Variants in BMX observed in about 807,000 individuals in gnomAD.
The protein encoded by BMX is BMX non-receptor tyrosine kinase, also known as cytoplasmic tyrosine-protein kinase BMX.
A neutral mutation model predicts 59.2 loss-of-function variants in BMX; 31 were observed. The ratio of observed to expected loss-of-function variants is 0.52; its 90% CI spans 0.39 to 0.71. BMX has a LOEUF of 0.71. BMX is among the 30% of genes least tolerant of loss of function. BMX has a pLI of 0.00. For missense variants in BMX, 474 were observed against 491.7 expected, an observed-to-expected ratio of 0.96 and a Z score of 0.34; for synonymous variants, 185 against 181.0, an observed-to-expected ratio of 1.02 and a Z score of -0.18.
In BMX at chrX:15,511,489, G is replaced by A. The variant is rs947474924; in HGVS notation, c.296G>A (p.Arg99Gln). The A allele has an allele frequency of 4.1e-6, 5 of 1,205,209 alleles. No individual in the cohort carries two copies. Among genetic ancestry groups the A allele is most frequent in the South Asian group, 1.8e-5 (1 of 56,014 alleles). Reference sequence around the variant, plus strand: ...GTCTATGCATCAAATGAAGAGAGCCGAAGTCAGTGGTTGAAAGCATTACAA... The same window carrying A: ...GTCTATGCATCAAATGAAGAGAGCCAAAGTCAGTGGTTGAAAGCATTACAA... ...LYVYASNEES[R>Q]SQWLKALQKE... Residue 99 changes from arginine to glutamine, a missense_variant, in exon 4 of 19, where the codon CGA (arginine) becomes CAA (glutamine). By Grantham distance (43) the Arg-to-Gln change is conservative. Coordinates refer to ENST00000348343, the MANE Select transcript of BMX (RefSeq NM_203281.3).
rs142748588 is a variant in BMX at position 15,516,964 on chromosome X, C to G, written c.445+733C>G. ...CTTATTTTGGTAACAGTTTTACCAG[C>G]CTGGACAAAATATGCCTGGATTACA... On this transcript the variant is annotated intron_variant, in intron 5 of 18. Transcript: ENST00000348343. Among the ~76,000 whole-genome samples, 55 of 110,988 alleles carry G rather than the reference C, an allele frequency of 5.0e-4. No homozygotes were observed. The East Asian group carries it at 0.015, about 30-fold the overall frequency.
intron 4 of BMX, among the ~76,000 whole-genome samples, chrX:15,514,750 A>C (rs1441297327): frequency 9.0e-6 from 1 of 111,545 alleles, no homozygotes; most frequent in Non-Finnish European, 1.9e-5. Context: ...ATTCCTAGGA[A>C]AGTAGCCCCA....
chrX:15,546,729 G>C, intron 16 of BMX, 74 bp from the exon 17 acceptor site: 1 of 835,995 alleles, frequency 1.2e-6, no homozygotes, highest in Non-Finnish European at 1.7e-6. Flanking sequence ...CTGAGACTCT[G>C]GGTGGCTTCC....
At position 15,534,270 on chromosome X, in the gene BMX, T is replaced by C. The variant is rs1352553436; in HGVS notation, c.1078T>C (p.Tyr360His). ...HVHTNAENKL[Y>H]LAENYCFDSI... ...GCATACAAATGCTGAGAACAAATTA[T>C]ACCTGGCAGAAAACTACTGTTTTGA... Residue 360 changes from tyrosine (Y) to histidine (H), a missense_variant, in exon 12 of 19, where the codon TAC (tyrosine) becomes CAC (histidine). By Grantham distance (83) the Tyr-to-His change is moderately conservative (BLOSUM62 2). Coordinates refer to ENST00000348343, the MANE Select transcript of BMX (RefSeq NM_203281.3). The C allele has an allele frequency of 8.4e-7, 1 of 1,196,341 alleles. No homozygotes were observed. Among genetic ancestry groups the C allele is most frequent in the South Asian group, 1.8e-5 (1 of 54,888 alleles).
chrX:15,529,861 T>C (rs1018691903), intron 9 of BMX, 112 bp from the exon 10 acceptor site: 2 of 611,991 alleles, frequency 3.3e-6, no homozygotes, highest in Non-Finnish European at 5.2e-6. Context: ...CAGTTAGGCT[T>C]GGAAACCCCT....
rs371645181 is a variant in BMX, at chrX:15,536,317, T to A, written c.1148-36T>A. 7 of 1,180,339 alleles carry A rather than the reference T, an allele frequency of 5.9e-6. No homozygotes were observed. The South Asian group carries it at 1.3e-4, about 21-fold the overall frequency. ...TTACATAATGTGATGGGATATGATA[T>A]AATGATGTGATGATATGATGCTGAT... is the stretch of plus-strand genomic sequence containing the variant. On this transcript the variant is annotated intron_variant, in intron 12 of 18. Transcript: ENST00000348343.
chrX:15,511,210 A>G (rs193058717), intron 3 of BMX, among the ~76,000 whole-genome samples: 1 of 112,225 alleles, frequency 8.9e-6, no homozygotes, highest in Non-Finnish European at 1.9e-5. Flanking sequence ...CACCACTACT[A>G]TGAGGTACAT....
In BMX at chrX:15,537,305, T is replaced by C. The variant is rs1414778887; in HGVS notation, c.1394T>C (p.Met465Thr). 5 of 1,210,308 alleles carry C rather than the reference T, an allele frequency of 4.1e-6. No individual in the cohort carries two copies. Among genetic ancestry groups the C allele is most frequent in the Non-Finnish European group, 5.6e-6 (5 of 894,872 alleles). Residue 465 changes from methionine (M) to threonine (T), a missense_variant and splice_region_variant, in exon 14 of 19, where the codon ATG (methionine) becomes ACG (threonine). Coordinates refer to ENST00000348343, the MANE Select transcript of BMX (RefSeq NM_203281.3). ...DEFFQEAQTM[M>T]KLSHPKLVKF... The stretch of plus-strand genomic sequence containing the variant: ...TTCTTTCAGGAGGCCCAGACTATGA[T>C]GTAAGTTTTTCCCAAGGAATGGCTG...
rs893199632 is a variant in BMX at position 15,542,211 on chromosome X, A to G, written c.1611+13A>G. 1.7e-6 allele frequency: 2 copies of G among 1,205,400 alleles called. No homozygotes were observed. Among genetic ancestry groups the G allele is most frequent in the Non-Finnish European group, 2.2e-6 (2 of 890,118 alleles). On this transcript the variant is annotated intron_variant, in intron 15 of 18. Coordinates refer to ENST00000348343, the MANE Select transcript of BMX (RefSeq NM_203281.3). ...ACACCGGGACTTGGTAAGCAAAGCC[A>G]TTGGAATTTCAAAGAAAAGAAAGCA...
chrX:15,547,046 C>G (rs1925982586), intron 17 of BMX, 125 bp downstream of exon 17: 2 of 521,676 alleles, frequency 3.8e-6, no homozygotes, highest in Non-Finnish European at 6.2e-6. Flanking sequence ...ACACATATAG[C>G]CTGAGAGAAG....
chrX:15,549,685 C>A (rs1926101799), intron 17 of BMX, among the ~76,000 whole-genome samples, 155 bp from the exon 18 acceptor site: 1 of 112,264 alleles, frequency 8.9e-6, no homozygotes, highest in Non-Finnish European at 1.9e-5. Flanking sequence ...ACCTTCCAAG[C>A]TCTGCTCATT....
At chrX:15,533,674 A>G (rs1018999717) in intron 11 of BMX, among the ~76,000 whole-genome samples, 3 of 111,723 alleles carry the variant, frequency 2.7e-5, no homozygotes, top group Non-Finnish European at 5.7e-5. Flanking sequence ...AGAGGAAAAG[A>G]AAAAAGTGTT....
chrX:15,546,764 C>T (rs761799639), intron 16 of BMX, 39 bp from the exon 17 acceptor site: 1 of 1,118,498 alleles, frequency 8.9e-7, no homozygotes, highest in Non-Finnish European at 1.2e-6. Context: ...CCTGTACCAC[C>T]ACGGCTTAAG....
At chrX:15,542,613 G>GT (rs1925749245) in intron 15 of BMX, among the ~76,000 whole-genome samples, 1 of 111,372 alleles carries the variant, frequency 9.0e-6, no homozygotes, top group Non-Finnish European at 1.9e-5. Flanking sequence ...CAGAATGAGA[G>GT]TGGGGAATGC....
chrX:15,517,043 GA>G (rs981226165), intron 5 of BMX, among the ~76,000 whole-genome samples: 1 of 111,537 alleles, frequency 9.0e-6, no homozygotes, highest in African/African-American at 3.3e-5. Context: ...TCATGAAATG[GA>G]AAAGATACAG....
intron 1 of BMX, among the ~76,000 whole-genome samples, chrX:15,502,705 A>G (rs1490508122): frequency 8.9e-6 from 1 of 112,348 alleles, no homozygotes. Flanking sequence ...TGAAGCCAGT[A>G]TTTGTCTTTG....
intron 6 of BMX, among the ~76,000 whole-genome samples, chrX:15,520,709 G>T (rs1368405314): frequency 9.0e-6 from 1 of 111,527 alleles, no homozygotes; most frequent in Non-Finnish European, 1.9e-5. Flanking sequence ...AGGGTATCAT[G>T]TAAAGTATGT....
At chrX:15,543,459 T>C (rs1214415256) in intron 16 of BMX, among the ~76,000 whole-genome samples, 1 of 111,407 alleles carries the variant, frequency 9.0e-6, no homozygotes, top group Non-Finnish European at 1.9e-5. Context: ...ATAGTAGGTA[T>C]ACATATTTAT....
At chrX:15,509,180 T>G in intron 2 of BMX, 149 bp from the exon 3 acceptor site, 2 of 317,021 alleles carry the variant, frequency 6.3e-6, no homozygotes, top group Non-Finnish European at 5.9e-6. Context: ...TGTCATTGGA[T>G]TTTGACTATT....
Sources: gnomAD v4.1 joint callset for allele counts (sites outside exome capture counted in the v4.1 genomes callset) on GRCh38, gnomAD v4.1.1 for gene constraint, MANE v1.5 for transcripts, NCBI Gene and HGNC (gene_info 2026-07-23, HGNC 2026-07-21) for gene names.